Variants in DGKB observed in about 807,000 individuals in gnomAD.
DGKB encodes the protein diacylglycerol kinase beta, also known as 90 kDa diacylglycerol kinase.
Under a neutral mutation model 114.3 loss-of-function variants are expected in DGKB, and 67 were observed. The observed-to-expected ratio is 0.59, with a 90% CI of 0.48 to 0.72. The LOEUF is 0.72. DGKB is among the 30% of genes least tolerant of loss of function. DGKB has a pLI of 0.00. For synonymous variants in DGKB, 398 were observed against 323.1 expected (o/e 1.23, Z -2.49); for missense variants, 907 against 975.2 (o/e 0.93, Z 0.93).
intron 23 of DGKB, among the ~76,000 whole-genome samples, chr7:14,279,114 G>A (rs557927699): frequency 6.6e-6 from 1 of 152,278 alleles, no homozygotes; most frequent in East Asian, 1.9e-4. Context: ...CAAAGAAAGG[G>A]GTGATGGACG....
intron 2 of DGKB, among the ~76,000 whole-genome samples, chr7:14,803,914 C>T (rs1180230022): frequency 6.6e-6 from 1 of 151,998 alleles, no homozygotes; most frequent in Non-Finnish European, 1.5e-5. Flanking sequence ...ATGCTTTATT[C>T]AAAAATGAAC....
chr7:14,358,392 CT>C (rs1362842088), intron 21 of DGKB, among the ~76,000 whole-genome samples: 1 of 152,112 alleles, frequency 6.6e-6, no homozygotes, highest in African/African-American at 2.4e-5. Flanking sequence ...GCTATTGAAG[CT>C]TGTGCATGCC....
intron 20 of DGKB, among the ~76,000 whole-genome samples, chr7:14,485,077 A>C (rs1783565321): frequency 7.5e-6 from 1 of 133,520 alleles, no homozygotes; most frequent in Non-Finnish European, 1.6e-5. Flanking sequence ...AATGATAATT[A>C]CTGAAAGACA....
rs576882871 is a variant in DGKB at position 14,364,173 on chromosome 7, T to A, written c.1836-18782A>T. ...GTGAAAAAATAACAATTATTTCCAA[T>A]AAAAAAAACAACTAATGCATAGTTC... On this transcript the variant is annotated intron_variant, in intron 21 of 25. Coordinates refer to ENST00000402815, the MANE Select transcript of DGKB (RefSeq NM_001350709.2). 6.6e-5 allele frequency among the ~76,000 whole-genome samples: 10 copies of A among 151,892 alleles called. No homozygotes were observed. The East Asian group carries it at 1.9e-3, about 29-fold the overall frequency.
intron 25 of DGKB, among the ~76,000 whole-genome samples, chr7:14,163,886 C>T (rs1410213808): frequency 1.3e-5 from 2 of 151,780 alleles, no homozygotes; most frequent in African/African-American, 2.4e-5. Context: ...TCTCAGCTAC[C>T]CGGGAGGCTG....
intron 22 of DGKB, among the ~76,000 whole-genome samples, chr7:14,340,159 CTTTT>C (rs35208788): frequency 1.1e-5 from 1 of 89,132 alleles, no homozygotes; most frequent in African/African-American, 4.4e-5. Flanking sequence ...CTGGATGATG[CTTTT>C]TTTTTTTTTT....
In DGKB at chr7:14,310,418, G is replaced by C. The variant is rs532593399; in HGVS notation, c.2122+28097C>G. Among the ~76,000 whole-genome samples the C allele has an allele frequency of 6.6e-5, 10 of 152,174 alleles. No individual in the cohort carries two copies. The East Asian group carries it at 1.9e-3, about 29-fold the overall frequency. On this transcript the variant is annotated intron_variant, in intron 23 of 25. Transcript: ENST00000402815. Reference sequence around the variant, plus strand: ...ATGTAGATTTCGCAATGAGAAGGAAGACAGGAGTGGCAAACATGGAGTCTA... The same window carrying C: ...ATGTAGATTTCGCAATGAGAAGGAACACAGGAGTGGCAAACATGGAGTCTA...
chr7:14,827,919 TC>T (rs35197364), intron 2 of DGKB, among the ~76,000 whole-genome samples: 66,283 of 151,738 alleles, frequency 0.44, 15,378 homozygotes, highest in South Asian at 0.62. Flanking sequence ...AAATATGAAC[TC>T]CGAAATGAAT....
At chr7:14,473,502 G>C (rs376660364) in intron 21 of DGKB, among the ~76,000 whole-genome samples, 1 of 152,182 alleles carries the variant, frequency 6.6e-6, no homozygotes, top group African/African-American at 2.4e-5. Context: ...GGGAAATGTG[G>C]GGTCAGAACC....
chr7:14,316,846 G>A (rs1005317954), intron 23 of DGKB, among the ~76,000 whole-genome samples: 1 of 145,808 alleles, frequency 6.9e-6, no homozygotes, highest in African/African-American at 2.6e-5. Context: ...GAGAATTTTA[G>A]ACCAATATCC....
chr7:14,184,331 C>G (rs915382619), intron 23 of DGKB, among the ~76,000 whole-genome samples: 1 of 152,190 alleles, frequency 6.6e-6, no homozygotes, highest in Admixed American at 6.5e-5. Flanking sequence ...GGTGTGCAAA[C>G]TCCACAGGCA....
chr7:14,757,579 T>C, intron 3 of DGKB, 76 bp downstream of exon 3: 1 of 823,634 alleles, frequency 1.2e-6, no homozygotes, highest in South Asian at 1.5e-5. Flanking sequence ...CATACATTTT[T>C]CCAAGAATTG....
intron 21 of DGKB, among the ~76,000 whole-genome samples, chr7:14,432,292 A>G (rs1187505732): frequency 6.6e-6 from 1 of 152,172 alleles, no homozygotes; most frequent in Non-Finnish European, 1.5e-5. Context: ...AGAATTGAGC[A>G]ATTTGCAAAA....
chr7:14,739,936 C>G (rs930084082), intron 4 of DGKB, among the ~76,000 whole-genome samples: 1 of 152,252 alleles, frequency 6.6e-6, no homozygotes, highest in Non-Finnish European at 1.5e-5. Flanking sequence ...TGCCCTCCCC[C>G]ACGTTCCCGC....
chr7:14,745,777 T>C (rs2128420846), intron 4 of DGKB, among the ~76,000 whole-genome samples: 1 of 124,734 alleles, frequency 8.0e-6, no homozygotes, highest in South Asian at 3.1e-4. Flanking sequence ...CTTAATAAAT[T>C]CTGCCCTCCT....
Position 14,177,902 on chromosome 7 carries a change from T to A in DGKB, c.2243+129A>T, listed in dbSNP as rs1023029171. On this transcript the variant is annotated intron_variant, in intron 24 of 25. Coordinates refer to ENST00000402815, the MANE Select transcript of DGKB (RefSeq NM_001350709.2). ...TGCCAATGTCCATTATTTTGAAATA[T>A]ATTAGTATTAATAACTGATTATTTG... 1.2e-5 allele frequency: 11 copies of A among 926,760 alleles called. No individual in the cohort carries two copies. In the African/African-American group the frequency reaches 1.6e-4, roughly 13 times the overall value. 57.4% of individuals were successfully genotyped at this position (926,760 alleles called of 1,614,324 possible).
At chr7:14,693,127 G>A (rs1823178192) in intron 9 of DGKB, among the ~76,000 whole-genome samples, 1 of 152,100 alleles carries the variant, frequency 6.6e-6, no homozygotes, top group Non-Finnish European at 1.5e-5. Context: ...GAAGTATGAA[G>A]AGTTTTGGGT....
intron 21 of DGKB, among the ~76,000 whole-genome samples, chr7:14,431,244 C>A (rs1341976110): frequency 6.6e-6 from 1 of 152,150 alleles, no homozygotes; most frequent in African/African-American, 2.4e-5. Context: ...ACCGCTGAAC[C>A]ATCAGCCATT....
At chr7:14,160,285 C>A (rs1783682506) in intron 25 of DGKB, among the ~76,000 whole-genome samples, 1 of 152,018 alleles carries the variant, frequency 6.6e-6, no homozygotes. Context: ...GAGAATCAGG[C>A]AAGAGAAAGA....
Sources: gnomAD v4.1 joint callset for allele counts (sites outside exome capture counted in the v4.1 genomes callset) on GRCh38, gnomAD v4.1.1 for gene constraint, MANE v1.5 for transcripts, NCBI Gene and HGNC (gene_info 2026-07-23, HGNC 2026-07-21) for gene names.